Variants in RFTN2 observed in about 807,000 individuals in gnomAD.
RFTN2 encodes the protein raftlin family member 2.
RFTN2 carries 34 observed loss-of-function variants against 52.7 expected under a neutral mutation model. That is an observed-to-expected ratio of 0.64 (90% CI 0.49 to 0.86). RFTN2 has a LOEUF of 0.86. RFTN2 is among the 40% of genes least tolerant of loss of function. The probability of loss-of-function intolerance (pLI) is 0.00; values close to 1 mark genes in which losing one functional copy is unlikely to be tolerated. For synonymous variants in RFTN2, 203 were observed against 217.7 expected (o/e 0.93, Z 0.59); for missense variants, 536 against 600.1 (o/e 0.89, Z 1.12).
At chr2:197,583,374 C>T (rs1382021268) in intron 8 of RFTN2, among the ~76,000 whole-genome samples, 2 of 152,216 alleles carry the variant, frequency 1.3e-5, no homozygotes, top group African/African-American at 2.4e-5. Context: ...GAGAAGGCCA[C>T]TGCAGTCATT....
intron 1 of RFTN2, among the ~76,000 whole-genome samples, chr2:197,654,986 A>T (rs892625733): frequency 6.6e-6 from 1 of 152,084 alleles, no homozygotes; most frequent in African/African-American, 2.4e-5. Flanking sequence ...ACAGAGCAAG[A>T]CTCTGTCTCA....
chr2:197,614,717 C>A (rs1574708037), intron 7 of RFTN2, among the ~76,000 whole-genome samples: 2 of 152,178 alleles, frequency 1.3e-5, no homozygotes, highest in Admixed American at 1.3e-4. Context: ...AGAGGGTGAA[C>A]AAACAAGCCA....
Position 197,568,497 on chromosome 2 carries a change from T to C in RFTN2, c.*3511A>G, listed in dbSNP as rs2106151318. The C allele has an allele frequency of 6.6e-6, 1 of 152,246 alleles. No homozygotes were observed. Among genetic ancestry groups the C allele is most frequent in the East Asian group, 1.9e-4 (1 of 5,200 alleles). 9.4% of individuals were successfully genotyped at this position (152,246 alleles called of 1,614,324 possible). A position where few individuals can be genotyped will look rare whatever the true frequency, so the allele number is the denominator to read the frequency against. On this transcript the variant is annotated 3_prime_UTR_variant, in exon 9 of 9. Coordinates refer to ENST00000295049, the MANE Select transcript of RFTN2 (RefSeq NM_144629.3). ...ACAAATAAAATTCATTCTCAAGGGA[T>C]GATAGATTACCAGCAAATGTTATTT...
At chr2:197,584,489 C>A (rs902543046) in intron 8 of RFTN2, among the ~76,000 whole-genome samples, 2 of 152,034 alleles carry the variant, frequency 1.3e-5, no homozygotes, top group African/African-American at 4.8e-5. Flanking sequence ...TGTTTGAGTT[C>A]ATTGTAGATT....
Position 197,571,999 on chromosome 2 carries a change from C to T in RFTN2, c.*9G>A. ...ATTTACAGGGCCTTCCTTTGCTTCA[C>T]CTCATGGCTCACATACAAGTGACCT... On this transcript the variant is annotated 3_prime_UTR_variant, in exon 9 of 9. Coordinates refer to ENST00000295049, the MANE Select transcript of RFTN2 (RefSeq NM_144629.3). 3 of 1,612,076 alleles carry T rather than the reference C, an allele frequency of 1.9e-6. No individual in the cohort carries two copies. The highest frequency in any genetic ancestry group is 2.5e-6 in the Non-Finnish European group (3 of 1,178,126).
In RFTN2 at chr2:197,633,988, C is replaced by T. The variant is rs757142268; in HGVS notation, c.448G>A (p.Ala150Thr). ...AKELIEKINV[A>T]AKRGMKFVGF... ...ACAAATTTCATTCCTCTTTTAGCAG[C>T]GACATTAATCTGATATTTAAAAAGA... The change falls in exon 4 of 9, where the codon GCT becomes ACT. Residue 150 changes from alanine to threonine, a missense_variant. Transcript: ENST00000295049. 21 of 1,605,928 alleles carry T rather than the reference C, an allele frequency of 1.3e-5. No homozygotes were observed. The South Asian group carries it at 1.8e-4, about 14-fold the overall frequency.
intron 3 of RFTN2, among the ~76,000 whole-genome samples, chr2:197,640,869 T>C (rs1195905416): frequency 6.6e-6 from 1 of 152,204 alleles, no homozygotes; most frequent in Non-Finnish European, 1.5e-5. Flanking sequence ...CCTCTCTGCT[T>C]TTACTTCGTT....
chr2:197,587,751 C>T (rs2087625295), intron 8 of RFTN2, among the ~76,000 whole-genome samples: 1 of 152,216 alleles, frequency 6.6e-6, no homozygotes, highest in South Asian at 2.1e-4. Context: ...AATACATCTT[C>T]AGCAATCATA....
At chr2:197,652,269 T>C (rs1195257532) in intron 1 of RFTN2, among the ~76,000 whole-genome samples, 2 of 152,168 alleles carry the variant, frequency 1.3e-5, no homozygotes, top group Admixed American at 6.5e-5. Context: ...AAACTTTCCA[T>C]TGGTAGCCTC....
intron 3 of RFTN2, among the ~76,000 whole-genome samples, chr2:197,638,088 A>C (rs1421572611): frequency 6.6e-6 from 1 of 151,122 alleles, no homozygotes; most frequent in Non-Finnish European, 1.5e-5. Flanking sequence ...CTTTGTTTGC[A>C]CTGTGGTCTG....
chr2:197,568,298 T>G lies in RFTN2; in HGVS notation c.*3710A>C, dbSNP rs555506934. 3 of 152,376 alleles carry G rather than the reference T, an allele frequency of 2.0e-5. No individual in the cohort carries two copies. Among genetic ancestry groups the G allele is most frequent in the East Asian group, 3.8e-4 (2 of 5,196 alleles). 9.4% of individuals were successfully genotyped at this position (152,376 alleles called of 1,614,324 possible). A position where few individuals can be genotyped will look rare whatever the true frequency, so the allele number is the denominator to read the frequency against. On this transcript the variant is annotated 3_prime_UTR_variant, in exon 9 of 9. Transcript: ENST00000295049. ...GTATTTTTACATACAAAAATTTGAA[T>G]GCTCAAAACATGTTTAGAACCCATT...
rs181594489 is a variant in RFTN2, at chr2:197,575,721, G to A, written c.1234-3441C>T. 3.8e-3 allele frequency among the ~76,000 whole-genome samples: 541 copies of A among 141,668 alleles called. 3 individuals are homozygous for A. Among genetic ancestry groups the A allele is most frequent in the Non-Finnish European group, 6.4e-3 (412 of 64,858 alleles). The allele number at this position is 141,668 out of a possible 152,430, so 92.9% of individuals were successfully genotyped here. ...TCAAGGCCAGCTTAGGCAACATGGC[G>A]AGACCTCAGGTCATATATGTATATA... On this transcript the variant is annotated intron_variant, in intron 8 of 8. Transcript: ENST00000295049.
Position 197,607,736 on chromosome 2 carries a change from T to C in RFTN2, c.1154+8140A>G, listed in dbSNP as rs79737320. On this transcript the variant is annotated intron_variant, in intron 7 of 8. Transcript: ENST00000295049. ...TTTGGCTTCCAACTTTGCAGCTATG[T>C]GCTTAGTCACAAAGTTCCTTTGCCT... is the stretch of plus-strand genomic sequence containing the variant. Among the ~76,000 whole-genome samples the C allele has an allele frequency of 1.3e-3, 201 of 152,312 alleles. 6 individuals carry two copies. In the East Asian group the frequency reaches 0.034, roughly 26 times the overall value.
At chr2:197,587,654 C>A (rs2087623814) in intron 8 of RFTN2, among the ~76,000 whole-genome samples, 1 of 152,284 alleles carries the variant, frequency 6.6e-6, no homozygotes, top group Admixed American at 6.5e-5. Context: ...CCCGCCTGCA[C>A]CCAGGTGATT....
At chr2:197,613,121 T>C (rs2088090514) in intron 7 of RFTN2, among the ~76,000 whole-genome samples, 1 of 152,202 alleles carries the variant, frequency 6.6e-6, no homozygotes, top group Non-Finnish European at 1.5e-5. Flanking sequence ...ATTTTGTATA[T>C]AGTGAACTAG....
rs1243772713 is a variant in RFTN2, at chr2:197,569,775, T to C, written c.*2233A>G. On this transcript the variant is annotated 3_prime_UTR_variant, in exon 9 of 9. Coordinates refer to ENST00000295049, the MANE Select transcript of RFTN2 (RefSeq NM_144629.3). ...CTGGCCAACATGGTGAAACCCCATCTCTACTAAAATTACAAAACTTAGCCA... is the reference window on the plus strand; with the variant it reads ...CTGGCCAACATGGTGAAACCCCATCCCTACTAAAATTACAAAACTTAGCCA... 1 of 151,980 alleles carries C rather than the reference T, an allele frequency of 6.6e-6. No individual in the cohort carries two copies. The highest frequency in any genetic ancestry group is 6.6e-5 in the Admixed American group (1 of 15,238). The allele number at this position is 151,980 out of a possible 1,614,324, so 9.4% of individuals were successfully genotyped here.
chr2:197,597,210 CTTTT>C (rs1187129250), intron 7 of RFTN2, among the ~76,000 whole-genome samples: 2 of 152,164 alleles, frequency 1.3e-5, no homozygotes, highest in African/African-American at 2.4e-5. Flanking sequence ...GAGACTGCTT[CTTTT>C]TTATTTTTGA....
chr2:197,584,127 T>G (rs1413033233), intron 8 of RFTN2, among the ~76,000 whole-genome samples: 9 of 152,340 alleles, frequency 5.9e-5, no homozygotes, highest in African/African-American at 2.2e-4. Flanking sequence ...TTTATAATCC[T>G]TTGGGTATAT....
At position 197,675,494 on chromosome 2, in the gene RFTN2, G is replaced by A. The variant is rs1023074774; in HGVS notation, c.-36C>T. 6.9e-7 allele frequency: 1 copy of A among 1,444,506 alleles called. No homozygotes were observed. The highest frequency in any genetic ancestry group is 9.2e-7 in the Non-Finnish European group (1 of 1,091,044). The allele number at this position is 1,444,506 out of a possible 1,614,324, so 89.5% of individuals were successfully genotyped here. On this transcript the variant is annotated 5_prime_UTR_variant, in exon 1 of 9. Transcript: ENST00000295049. ...GTAAGGAATTAAATTGCAGGAAAGG[G>A]GAGGGAGAGCAGCAAATTCTGTTGT...
Sources: gnomAD v4.1 joint callset for allele counts (sites outside exome capture counted in the v4.1 genomes callset) on GRCh38, gnomAD v4.1.1 for gene constraint, MANE v1.5 for transcripts, NCBI Gene and HGNC (gene_info 2026-07-23, HGNC 2026-07-21) for gene names.